DNAJC11: variants seen among roughly 807,000 people sequenced by gnomAD.
DNAJC11 encodes the protein dnaJ homolog subfamily C member 11.
A neutral mutation model predicts 78.6 loss-of-function variants in DNAJC11; 15 were observed. That is an observed-to-expected ratio of 0.19 (90% CI 0.13 to 0.29). The LOEUF is 0.29. Among genes scored for constraint, DNAJC11 ranks in the 10% least tolerant of loss-of-function variants. DNAJC11 has a pLI of 1.00. For missense variants in DNAJC11, 547 were observed against 709.6 expected, an observed-to-expected ratio of 0.77 and a Z score of 2.60; for synonymous variants, 292 against 272.1, an observed-to-expected ratio of 1.07 and a Z score of -0.72.
chr1:6,668,430 C>A (rs1186854717), intron 3 of DNAJC11, among the ~76,000 whole-genome samples: 3 of 152,116 alleles, frequency 2.0e-5, no homozygotes, highest in Admixed American at 1.3e-4. Context: ...TGAGCCACTG[C>A]GCCGGCCTAC....
chr1:6,643,368 C>T (rs868204087), intron 10 of DNAJC11, among the ~76,000 whole-genome samples: 11 of 151,502 alleles, frequency 7.3e-5, no homozygotes, highest in East Asian at 1.9e-4. Context: ...CTCTGCCTCC[C>T]GGGTTCACAC....
At chr1:6,701,040 A>G (rs1431749196) in intron 1 of DNAJC11, among the ~76,000 whole-genome samples, 1 of 152,150 alleles carries the variant, frequency 6.6e-6, no homozygotes, top group African/African-American at 2.4e-5. Flanking sequence ...ACAGGGTACA[A>G]GTGCTTGGTG....
chr1:6,681,709 G>A (rs543213517), intron 1 of DNAJC11, among the ~76,000 whole-genome samples: 1 of 152,184 alleles, frequency 6.6e-6, no homozygotes, highest in East Asian at 1.9e-4. Flanking sequence ...CCACAGTGGG[G>A]GGGGCGGGTG....
chr1:6,689,771 C>G (rs970270908), intron 1 of DNAJC11, among the ~76,000 whole-genome samples: 1 of 148,078 alleles, frequency 6.8e-6, no homozygotes, highest in East Asian at 2.0e-4. Flanking sequence ...AGCGAAACTC[C>G]GTCAAAAAAA....
intron 3 of DNAJC11, 89 bp from the exon 4 acceptor site, chr1:6,667,899 T>C: frequency 8.0e-7 from 1 of 1,247,316 alleles, no homozygotes. Flanking sequence ...GATTTTGGTG[T>C]GTGCATGCTG....
chr1:6,645,230 C>T lies in DNAJC11; in HGVS notation c.895-104G>A. 3 of 874,530 alleles carry T rather than the reference C, an allele frequency of 3.4e-6. No individual in the cohort carries two copies. The highest frequency in any genetic ancestry group is 3.7e-5 in the Admixed American group (2 of 54,188). 54.2% of individuals were successfully genotyped at this position (874,530 alleles called of 1,614,324 possible). A position where few individuals can be genotyped will look rare whatever the true frequency, so the allele number is the denominator to read the frequency against. On this transcript the variant is annotated intron_variant, in intron 8 of 15. Coordinates refer to ENST00000377577, the MANE Select transcript of DNAJC11 (RefSeq NM_018198.4). This position sits in a 1 kb window ranked among gnomAD's most constrained non-coding sequence, Gnocchi z 4.1. ...GCTCTGGGCATCTGCTGCACACAGG[C>T]CTTTAAGGCAGGGGTCACGGTCTGG...
At chr1:6,677,612 TTAA>T (rs1412328888) in intron 3 of DNAJC11, among the ~76,000 whole-genome samples, 1 of 152,192 alleles carries the variant, frequency 6.6e-6, no homozygotes, top group Admixed American at 6.5e-5. Flanking sequence ...CAAAGTTTCT[TTAA>T]TGATACCTAT....
Position 6,637,475 on chromosome 1 carries a change from C to G in DNAJC11, c.1353G>C (p.Arg451Ser). The G allele has an allele frequency of 6.2e-7, 1 of 1,614,238 alleles. No individual in the cohort carries two copies. The highest frequency in any genetic ancestry group is 1.1e-5 in the South Asian group (1 of 91,080). The change falls in exon 13 of 16, where the codon AGG becomes AGC. Residue 451 changes from arginine to serine, a missense_variant. By Grantham distance (110) the Arg-to-Ser change is moderately radical. Coordinates refer to ENST00000377577, the MANE Select transcript of DNAJC11 (RefSeq NM_018198.4). Reference sequence around the variant, plus strand: ...TTCTGGACTCTTCTGCCTCAATTATCCTTCGGACAGATTCCTGCATCAGCC... The same window carrying G: ...TTCTGGACTCTTCTGCCTCAATTATGCTTCGGACAGATTCCTGCATCAGCC... The part of the protein sequence containing the change: ...AVRLMQESVR[R>S]IIEAEESRMG...
chr1:6,697,777 T>C (rs1420177366), intron 1 of DNAJC11, among the ~76,000 whole-genome samples: 1 of 151,964 alleles, frequency 6.6e-6, no homozygotes, highest in Non-Finnish European at 1.5e-5. Flanking sequence ...ATTTCTATAT[T>C]AATCCAATTA....
chr1:6,653,686 T>C lies in DNAJC11; in HGVS notation c.507+225A>G. On this transcript the variant is annotated intron_variant, in intron 5 of 15. Coordinates refer to ENST00000377577, the MANE Select transcript of DNAJC11 (RefSeq NM_018198.4). The surrounding 1 kb of genome is among the most constrained non-coding windows in gnomAD (Gnocchi z 4.5). ...CCCTCTGCTGGAAAGGCCCAAGACC[T>C]TGGGAGCCAAGTGCCCCAGCCCACA... 4.4e-6 allele frequency: 2 copies of C among 458,962 alleles called. No homozygotes were observed. The highest frequency in any genetic ancestry group is 7.7e-6 in the Non-Finnish European group (2 of 260,602). 28.4% of individuals were successfully genotyped at this position (458,962 alleles called of 1,614,324 possible). A position where few individuals can be genotyped will look rare whatever the true frequency, so the allele number is the denominator to read the frequency against.
intron 4 of DNAJC11, 61 bp from the exon 5 acceptor site, chr1:6,654,100 C>T (rs1642094338): frequency 6.3e-7 from 1 of 1,589,218 alleles, no homozygotes; most frequent in Non-Finnish European, 8.6e-7. Flanking sequence ...AAAGACAATG[C>T]TACACTTCAA....
intron 1 of DNAJC11, among the ~76,000 whole-genome samples, chr1:6,698,531 G>A (rs775436093): frequency 2.6e-5 from 4 of 151,598 alleles, no homozygotes; most frequent in Admixed American, 1.3e-4. Context: ...GAAGACAACA[G>A]AAAGTGACTT....
Position 6,634,385 on chromosome 1 carries a change from C to G in DNAJC11, c.*1290G>C. On this transcript the variant is annotated 3_prime_UTR_variant, in exon 16 of 16. Transcript: ENST00000377577. ...GATGAATGTTACAGAATTGGACAAC[C>G]CGAACTGCTTTTCAAAACCAGAGGA... The G allele has an allele frequency of 8.4e-7, 1 of 1,196,668 alleles. No individual in the cohort carries two copies. The highest frequency in any genetic ancestry group is 1.1e-6 in the Non-Finnish European group (1 of 917,280). 74.1% of individuals were successfully genotyped at this position (1,196,668 alleles called of 1,614,324 possible). A position where few individuals can be genotyped will look rare whatever the true frequency, so the allele number is the denominator to read the frequency against.
At chr1:6,686,844 G>GT (rs1480496026) in intron 1 of DNAJC11, among the ~76,000 whole-genome samples, 1 of 152,198 alleles carries the variant, frequency 6.6e-6, no homozygotes, top group Non-Finnish European at 1.5e-5. Flanking sequence ...AAGCCACCAG[G>GT]TTTTTTGTTG....
chr1:6,669,449 T>C (rs1642342400), intron 3 of DNAJC11, among the ~76,000 whole-genome samples: 1 of 151,244 alleles, frequency 6.6e-6, no homozygotes, highest in Admixed American at 6.6e-5. Context: ...AGGCGGAGTT[T>C]GCAGTGAGCC....
intron 3 of DNAJC11, among the ~76,000 whole-genome samples, chr1:6,674,498 T>G (rs887282381): frequency 2.6e-5 from 4 of 152,016 alleles, no homozygotes; most frequent in African/African-American, 9.7e-5. Flanking sequence ...GAAGCAGAGG[T>G]TGCAGTGAGC....
intron 9 of DNAJC11, 49 bp downstream of exon 9, chr1:6,644,992 C>G (rs1221905182): frequency 6.5e-7 from 1 of 1,546,616 alleles, no homozygotes; most frequent in Non-Finnish European, 8.9e-7. Flanking sequence ...ACTGTGAAGA[C>G]CCGCATGCAG....
intron 10 of DNAJC11, among the ~76,000 whole-genome samples, chr1:6,641,047 T>TA (rs1390259983): frequency 5.3e-5 from 8 of 151,944 alleles, no homozygotes; most frequent in Non-Finnish European, 1.2e-4. Flanking sequence ...TCTTCCAGAA[T>TA]AAAAGCTCTT....
intron 1 of DNAJC11, among the ~76,000 whole-genome samples, chr1:6,689,515 A>T (rs970301991): frequency 6.6e-6 from 1 of 152,074 alleles, no homozygotes; most frequent in Non-Finnish European, 1.5e-5. Context: ...AGACTTAAAA[A>T]GGGGGCTCAC....
Sources: gnomAD v4.1 joint callset for allele counts (sites outside exome capture counted in the v4.1 genomes callset) on GRCh38, gnomAD v4.1.1 for gene constraint, Gnocchi (gnomAD v3.1) non-coding constraint, MANE v1.5 for transcripts, NCBI Gene and HGNC (gene_info 2026-07-23, HGNC 2026-07-21) for gene names.